Variants in DYNC2H1 observed in about 807,000 individuals in gnomAD.
The protein encoded by DYNC2H1 is cytoplasmic dynein 2 heavy chain 1.
A neutral mutation model predicts 570.0 loss-of-function variants in DYNC2H1; 410 were observed. That is an observed-to-expected ratio of 0.72 (90% CI 0.66 to 0.78). DYNC2H1 has a LOEUF of 0.78. Ranked by LOEUF, DYNC2H1 falls within the 30% of genes least tolerant of loss-of-function variation. DYNC2H1 has a pLI of 0.00. For missense variants in DYNC2H1, 4,865 were observed against 5,046.4 expected, an observed-to-expected ratio of 0.96 and a Z score of 1.09; for synonymous variants, 1,688 against 1,677.6, an observed-to-expected ratio of 1.01 and a Z score of -0.15.
chr11:103,381,321 T>G (rs1325934856), intron 83 of DYNC2H1, among the ~76,000 whole-genome samples: 1 of 152,216 alleles, frequency 6.6e-6, no homozygotes, highest in Non-Finnish European at 1.5e-5. Flanking sequence ...ATGTGGACTT[T>G]TCATAGATTA....
rs1198718298 is a variant in DYNC2H1 at position 103,305,623 on chromosome 11, A to G, written c.11382+903A>G. On this transcript the variant is annotated intron_variant, in intron 77 of 88. Coordinates refer to ENST00000375735, the MANE Select transcript of DYNC2H1 (RefSeq NM_001377.3). This position sits in a 1 kb window ranked among gnomAD's most constrained non-coding sequence, Gnocchi z 4.3. ...TATATAGAATAGAAACAAACAGAAT[A>G]GAGTAAATTGAGGGAGGTCCTGCCC... is the stretch of plus-strand genomic sequence containing the variant. Among the ~76,000 whole-genome samples, 1 of 152,154 alleles carries G rather than the reference A, an allele frequency of 6.6e-6. No individual in the cohort carries two copies. Among genetic ancestry groups the G allele is most frequent in the Non-Finnish European group, 1.5e-5 (1 of 68,028 alleles).
At chr11:103,211,296 A>T (rs771509631) in intron 53 of DYNC2H1, among the ~76,000 whole-genome samples, 14 of 152,030 alleles carry the variant, frequency 9.2e-5, no homozygotes, top group Non-Finnish European at 2.1e-4. Context: ...CGGTGAGAGG[A>T]ATATAATGTG....
chr11:103,250,407 T>C lies in DYNC2H1; in HGVS notation c.10043-2878T>C, dbSNP rs143251767. 2.6e-5 allele frequency among the ~76,000 whole-genome samples: 4 copies of C among 152,202 alleles called. No individual in the cohort carries two copies. The East Asian group carries it at 7.7e-4, about 29-fold the overall frequency. ...TATGCAGGTTTGTTTAACAAGCGTA[T>C]ATTGCATGATGCTGTGTTTGGACTC... is the stretch of plus-strand genomic sequence containing the variant. On this transcript the variant is annotated intron_variant, in intron 65 of 88. Coordinates refer to ENST00000375735, the MANE Select transcript of DYNC2H1 (RefSeq NM_001377.3).
At chr11:103,307,395 G>C (rs958077732) in intron 77 of DYNC2H1, among the ~76,000 whole-genome samples, 3 of 152,072 alleles carry the variant, frequency 2.0e-5, no homozygotes, top group African/African-American at 7.2e-5. Context: ...CACTGTTTTA[G>C]TGTCTTAAAC....
At chr11:103,274,869 C>A (rs1207926868) in intron 70 of DYNC2H1, among the ~76,000 whole-genome samples, 1 of 151,722 alleles carries the variant, frequency 6.6e-6, no homozygotes, top group Non-Finnish European at 1.5e-5. Flanking sequence ...CTGAGGCGGG[C>A]GGAAGACCTG....
chr11:103,191,274 G>C (rs1458222946), intron 45 of DYNC2H1, among the ~76,000 whole-genome samples: 1 of 151,692 alleles, frequency 6.6e-6, no homozygotes, highest in African/African-American at 2.4e-5. Flanking sequence ...TGCTGACCTC[G>C]TGATCTGCCC....
Position 103,215,749 on chromosome 11 carries a change from A to C in DYNC2H1, c.8723A>C (p.Lys2908Thr), listed in dbSNP as rs766721936. 1 of 1,610,838 alleles carries C rather than the reference A, an allele frequency of 6.2e-7. No homozygotes were observed. The highest frequency in any genetic ancestry group is 1.1e-5 in the South Asian group (1 of 90,502). ...QAGVSKLNEA[K>T]ALVDELNRKA... ...GGTGTATCTAAACTAAATGAAGCTA[A>C]AGCTCTTGTGGATGAACTGAACAGA... Residue 2908 changes from lysine to threonine, a missense_variant, in exon 55 of 89, where the codon AAA becomes ACA. Around this residue, in one of 5 missense-constraint regions of DYNC2H1, gnomAD observed 2,401 missense variants for 2,454.6 expected, o/e 0.98. Coordinates refer to ENST00000375735, the MANE Select transcript of DYNC2H1 (RefSeq NM_001377.3).
chr11:103,379,932 T>C (rs550067581), intron 83 of DYNC2H1, among the ~76,000 whole-genome samples: 21 of 152,334 alleles, frequency 1.4e-4, no homozygotes, highest in African/African-American at 4.1e-4. Context: ...CAAGTTCAGA[T>C]ATGGCACTTG....
Position 103,399,876 on chromosome 11 carries a change from A to G in DYNC2H1, c.12366+4A>G. ...AAGTGCTTTATTAAACCAAAAGGTAAGCGAGTACTAACTGTATGTATTTTT... is the reference window on the plus strand; with the variant it reads ...AAGTGCTTTATTAAACCAAAAGGTAGGCGAGTACTAACTGTATGTATTTTT... On this transcript the variant is annotated splice_donor_region_variant and intron_variant, in intron 84 of 88. Coordinates refer to ENST00000375735, the MANE Select transcript of DYNC2H1 (RefSeq NM_001377.3). The G allele has an allele frequency of 4.4e-6, 7 of 1,608,730 alleles. No homozygotes were observed. Among genetic ancestry groups the G allele is most frequent in the Non-Finnish European group, 6.0e-6 (7 of 1,175,484 alleles).
At chr11:103,118,611 G>T (rs533158426) in intron 6 of DYNC2H1, among the ~76,000 whole-genome samples, 1 of 151,962 alleles carries the variant, frequency 6.6e-6, no homozygotes, top group South Asian at 2.1e-4. Flanking sequence ...CCAACAAAAT[G>T]ACGATAATTC....
Position 103,323,888 on chromosome 11 carries a change from C to T in DYNC2H1, c.11937C>T (p.Asp3979=). ...VSLPQSCSIL[D]YRAVIEKIPE... ...GTTTTTCACTTCTTTATATTTAGGA[C>T]TATCGTGCTGTCATTGAGAAAATTC... is the stretch of plus-strand genomic sequence containing the variant. Residue 3979 remains aspartate (D), a splice_region_variant and synonymous_variant, in exon 82 of 89, where the codon GAC becomes GAT. Coordinates refer to ENST00000375735, the MANE Select transcript of DYNC2H1 (RefSeq NM_001377.3). 6.2e-7 allele frequency: 1 copy of T among 1,609,830 alleles called. No homozygotes were observed. The highest frequency in any genetic ancestry group is 8.5e-7 in the Non-Finnish European group (1 of 1,177,588).
chr11:103,121,158 A>G (rs1466757122), intron 9 of DYNC2H1, 122 bp downstream of exon 9: 1 of 894,788 alleles, frequency 1.1e-6, no homozygotes, highest in African/African-American at 1.7e-5. Context: ...GCTGAAGATT[A>G]ATTTACTTAT....
At chr11:103,382,181 T>C (rs1245277077) in intron 83 of DYNC2H1, among the ~76,000 whole-genome samples, 2 of 152,210 alleles carry the variant, frequency 1.3e-5, no homozygotes, top group African/African-American at 4.8e-5. Flanking sequence ...ACATCTACTT[T>C]ATATATCTTC....
At chr11:103,407,404 G>C (rs1942906263) in intron 84 of DYNC2H1, 1 of 132,066 alleles carries the variant, frequency 7.6e-6, no homozygotes, top group Non-Finnish European at 1.6e-5. Flanking sequence ...TTTAAACCTT[G>C]TTTACTCTAT....
intron 78 of DYNC2H1, among the ~76,000 whole-genome samples, chr11:103,310,947 A>G (rs7116688): frequency 6.6e-6 from 1 of 151,626 alleles, no homozygotes; most frequent in African/African-American, 2.4e-5. Context: ...AGTGATCCAC[A>G]CACCTCAGCT....
At chr11:103,195,970 G>A (rs1186728614) in intron 47 of DYNC2H1, among the ~76,000 whole-genome samples, 1 of 152,118 alleles carries the variant, frequency 6.6e-6, no homozygotes, top group Non-Finnish European at 1.5e-5. Context: ...TTCCAGACAA[G>A]GGAAAAACAA....
chr11:103,355,406 A>T (rs1169900354), intron 82 of DYNC2H1, among the ~76,000 whole-genome samples: 1 of 152,180 alleles, frequency 6.6e-6, no homozygotes, highest in Non-Finnish European at 1.5e-5. Flanking sequence ...TGTAAGAGAA[A>T]ATTAGGATGG....
In DYNC2H1 at chr11:103,265,343, C is replaced by T. The variant is rs545511419; in HGVS notation, c.10695+5366C>T. On this transcript the variant is annotated intron_variant, in intron 70 of 88. Transcript: ENST00000375735. Reference sequence around the variant, plus strand: ...TGTATAACTATGTAATAAACCTGCACGTTCAGCACAAGTATCCCAGAACTT... The same window carrying T: ...TGTATAACTATGTAATAAACCTGCATGTTCAGCACAAGTATCCCAGAACTT... Among the ~76,000 whole-genome samples, 32 of 152,258 alleles carry T rather than the reference C, an allele frequency of 2.1e-4. No individual in the cohort carries two copies. In the East Asian group the frequency reaches 3.3e-3, roughly 16 times the overall value.
chr11:103,112,633 C>A (rs564458508), intron 1 of DYNC2H1, among the ~76,000 whole-genome samples: 32 of 152,288 alleles, frequency 2.1e-4, no homozygotes, highest in Non-Finnish European at 4.0e-4. Context: ...AGCATTTGAG[C>A]AGTAACAAAG....
Sources: allele counts gnomAD v4.1 joint callset (sites outside exome capture counted in the v4.1 genomes callset), GRCh38; gene constraint gnomAD v4.1.1; regional missense constraint gnomAD v4.1.1; non-coding constraint Gnocchi (gnomAD v3.1); transcripts MANE v1.5; gene names NCBI Gene and HGNC (gene_info 2026-07-23, HGNC 2026-07-21).